VEPH1: variants seen among roughly 807,000 people sequenced by gnomAD.
The protein encoded by VEPH1 is ventricular zone expressed PH domain containing 1.
In VEPH1, 80 loss-of-function variants were observed where a neutral mutation model predicts 85.2. The observed-to-expected ratio is 0.94, with a 90% confidence interval of 0.78 to 1.13. VEPH1 has a LOEUF of 1.13. Ranked by LOEUF, VEPH1 falls within the 50% of genes most tolerant of loss-of-function variation. The probability of loss-of-function intolerance (pLI) is 0.00; values close to 1 mark genes in which losing one functional copy is unlikely to be tolerated. For missense variants in VEPH1, 955 were observed against 980.5 expected, an observed-to-expected ratio of 0.97 and a Z score of 0.35; for synonymous variants, 297 against 348.0, an observed-to-expected ratio of 0.85 and a Z score of 1.63.
intron 11 of VEPH1, among the ~76,000 whole-genome samples, chr3:157,312,897 AAC>A (rs1182229845): frequency 4.1e-5 from 6 of 145,808 alleles, no homozygotes; most frequent in Admixed American, 1.5e-4. Flanking sequence ...ATTAAAAAAA[AAC>A]ATTTTTTTTT....
chr3:157,423,967 T>A (rs193089120), intron 5 of VEPH1, among the ~76,000 whole-genome samples: 223 of 152,344 alleles, frequency 1.5e-3, no homozygotes, highest in Non-Finnish European at 2.6e-3. Context: ...ACAACCATAA[T>A]TGAATAACCT....
At chr3:157,367,537 A>C (rs1268034259) in intron 7 of VEPH1, among the ~76,000 whole-genome samples, 2 of 152,176 alleles carry the variant, frequency 1.3e-5, no homozygotes, top group African/African-American at 4.8e-5. Context: ...GAACCTAATC[A>C]CCCTTCAAAA....
intron 6 of VEPH1, among the ~76,000 whole-genome samples, chr3:157,405,886 C>G (rs78608420): frequency 6.6e-6 from 1 of 152,092 alleles, no homozygotes; most frequent in African/African-American, 2.4e-5. Flanking sequence ...TCCTCTGTGT[C>G]CCCATCACCA....
At chr3:157,282,284 C>T (rs1214431361) in intron 12 of VEPH1, among the ~76,000 whole-genome samples, 4 of 152,016 alleles carry the variant, frequency 2.6e-5, no homozygotes, top group Non-Finnish European at 5.9e-5. Context: ...TGGTACACCA[C>T]AGCTTCAAAC....
At chr3:157,282,025 T>C (rs1716196523) in intron 12 of VEPH1, among the ~76,000 whole-genome samples, 1 of 152,078 alleles carries the variant, frequency 6.6e-6, no homozygotes, top group African/African-American at 2.4e-5. Context: ...GCATGAAGGG[T>C]GCCCCCAAAG....
chr3:157,311,653 G>T (rs928943938), intron 11 of VEPH1, among the ~76,000 whole-genome samples: 1 of 152,038 alleles, frequency 6.6e-6, no homozygotes, highest in African/African-American at 2.4e-5. Flanking sequence ...TGAAACACAA[G>T]AAATGTGAAT....
At chr3:157,330,830 G>A (rs1346893478) in intron 9 of VEPH1, among the ~76,000 whole-genome samples, 1 of 152,166 alleles carries the variant, frequency 6.6e-6, no homozygotes, top group Admixed American at 6.5e-5. Context: ...CTGAGGTTCC[G>A]AGGCCACTAT....
chr3:157,476,194 C>T (rs1737458830), intron 2 of VEPH1, among the ~76,000 whole-genome samples: 1 of 152,156 alleles, frequency 6.6e-6, no homozygotes, highest in South Asian at 2.1e-4. Flanking sequence ...AACAGAGGCC[C>T]CTGCTAAGTC....
chr3:157,392,904 C>T (rs1202088052), intron 6 of VEPH1, among the ~76,000 whole-genome samples: 1 of 152,198 alleles, frequency 6.6e-6, no homozygotes, highest in Non-Finnish European at 1.5e-5. Context: ...AACCCCCAGC[C>T]TGCTATAAAG....
intron 2 of VEPH1, among the ~76,000 whole-genome samples, chr3:157,481,737 G>A (rs1418963701): frequency 6.6e-6 from 1 of 152,066 alleles, no homozygotes; most frequent in African/African-American, 2.4e-5. Flanking sequence ...TATAATTTGA[G>A]GTCTTACATT....
intron 7 of VEPH1, among the ~76,000 whole-genome samples, chr3:157,374,072 G>C (rs1298494217): frequency 6.6e-6 from 1 of 152,152 alleles, no homozygotes; most frequent in African/African-American, 2.4e-5. Context: ...AGGACAACTG[G>C]TGGAGTAAAT....
At chr3:157,400,353 A>C (rs1038329367) in intron 6 of VEPH1, among the ~76,000 whole-genome samples, 17 of 152,164 alleles carry the variant, frequency 1.1e-4, no homozygotes, top group African/African-American at 3.9e-4. Context: ...ATGCTAAAGT[A>C]AACCCCACCC....
At chr3:157,387,352 C>T (rs1442126057) in intron 6 of VEPH1, among the ~76,000 whole-genome samples, 2 of 152,138 alleles carry the variant, frequency 1.3e-5, no homozygotes, top group Non-Finnish European at 2.9e-5. Flanking sequence ...CACTGTATGT[C>T]TGGTACTTGA....
intron 11 of VEPH1, among the ~76,000 whole-genome samples, chr3:157,305,121 T>C (rs1194965196): frequency 3.6e-5 from 5 of 137,944 alleles, no homozygotes; most frequent in African/African-American, 1.3e-4. Flanking sequence ...TTTTTTTTTT[T>C]TTTTTTGAGA....
chr3:157,455,767 T>C (rs1319053659), intron 4 of VEPH1, among the ~76,000 whole-genome samples: 1 of 152,230 alleles, frequency 6.6e-6, no homozygotes, highest in Non-Finnish European at 1.5e-5. Context: ...TGCTCTTTTT[T>C]ACGGCTGCAT....
chr3:157,427,247 G>A (rs984920671), intron 5 of VEPH1, among the ~76,000 whole-genome samples: 2 of 152,028 alleles, frequency 1.3e-5, no homozygotes, highest in African/African-American at 4.8e-5. Context: ...GCCTCCCAAA[G>A]TGCTGGGATT....
chr3:157,470,394 G>C lies in VEPH1; in HGVS notation c.274C>G (p.His92Asp). ...LVGLWDSCLE[H>D]NLRPFGKDED... ...TCTTTCCCAAAGGGTCTCAGGTTATGTTCCAAGCAGGAGTCCCAGAGCCCC... is the reference window on the plus strand; with the variant it reads ...TCTTTCCCAAAGGGTCTCAGGTTATCTTCCAAGCAGGAGTCCCAGAGCCCC... The change falls in exon 3 of 14, where the codon CAT becomes GAT. Residue 92 changes from histidine (H) to aspartate (D), a missense_variant. By Grantham distance (81) the His-to-Asp change is moderately conservative. Transcript: ENST00000362010. 1.9e-6 allele frequency: 3 copies of C among 1,614,122 alleles called. No individual in the cohort carries two copies. The highest frequency in any genetic ancestry group is 2.5e-6 in the Non-Finnish European group (3 of 1,180,020).
At chr3:157,418,266 C>T (rs1397634930) in intron 5 of VEPH1, among the ~76,000 whole-genome samples, 2 of 152,164 alleles carry the variant, frequency 1.3e-5, no homozygotes, top group Non-Finnish European at 2.9e-5. Context: ...CCTGAATTCC[C>T]TGGTTTTTCC....
chr3:157,416,234 T>A (rs1364830830), intron 5 of VEPH1, among the ~76,000 whole-genome samples: 1 of 152,174 alleles, frequency 6.6e-6, no homozygotes, highest in Admixed American at 6.5e-5. Context: ...GTACACAATG[T>A]TTAAACATAT....
Sources: allele counts gnomAD v4.1 joint callset (sites outside exome capture counted in the v4.1 genomes callset), GRCh38; gene constraint gnomAD v4.1.1; transcripts MANE v1.5; gene names NCBI Gene and HGNC (gene_info 2026-07-23, HGNC 2026-07-21).